The following SLIT3 variants were observed in gnomAD, a reference collection of about 807,000 sequenced individuals.
SLIT3 encodes the protein slit guidance ligand 3.
A neutral mutation model predicts 184.0 loss-of-function variants in SLIT3; 68 were observed. That is an observed-to-expected ratio of 0.37 (90% confidence interval 0.30 to 0.45). The LOEUF (loss-of-function observed/expected upper bound fraction) is 0.45. Among genes scored for constraint, SLIT3 ranks in the 20% least tolerant of loss-of-function variants. The pLI is 1.00. For missense variants in SLIT3, 1,707 were observed against 2,026.0 expected (o/e 0.84, Z 3.02); for synonymous variants, 831 against 828.6 (o/e 1.00, Z -0.05).
intron 20 of SLIT3, among the ~76,000 whole-genome samples, chr5:168,745,860 TG>T (rs1315989617): frequency 6.6e-6 from 1 of 152,144 alleles, no homozygotes; most frequent in East Asian, 1.9e-4. Flanking sequence ...AGCCACCCAA[TG>T]TTGGCCACCA....
At chr5:168,850,059 G>C (rs1183364819) in intron 5 of SLIT3, among the ~76,000 whole-genome samples, 1 of 151,292 alleles carries the variant, frequency 6.6e-6, no homozygotes, top group African/African-American at 2.4e-5. Flanking sequence ...TGCTAGCTGG[G>C]GTCTTTGAAA....
chr5:169,000,998 T>G (rs1208811023), intron 4 of SLIT3, among the ~76,000 whole-genome samples: 1 of 152,248 alleles, frequency 6.6e-6, no homozygotes, highest in Non-Finnish European at 1.5e-5. Flanking sequence ...GTTTATTACT[T>G]TGTCATCTTA....
chr5:169,199,838 G>C (rs1333812597), intron 3 of SLIT3, among the ~76,000 whole-genome samples: 1 of 152,162 alleles, frequency 6.6e-6, no homozygotes, highest in Non-Finnish European at 1.5e-5. Flanking sequence ...CTAAGGGTGG[G>C]AAATACAACT....
chr5:168,983,741 A>C (rs1476284323), intron 4 of SLIT3, among the ~76,000 whole-genome samples: 1 of 152,250 alleles, frequency 6.6e-6, no homozygotes, highest in Non-Finnish European at 1.5e-5. Flanking sequence ...TACTTATTTA[A>C]AACAGTATAA....
At chr5:169,243,786 T>G (rs1765484212) in intron 3 of SLIT3, among the ~76,000 whole-genome samples, 1 of 152,176 alleles carries the variant, frequency 6.6e-6, no homozygotes, top group South Asian at 2.1e-4. Context: ...AGCCGTGAGC[T>G]GTTGCAGCTT....
intron 4 of SLIT3, among the ~76,000 whole-genome samples, chr5:169,094,840 C>T (rs1759718871): frequency 6.6e-6 from 1 of 152,210 alleles, no homozygotes; most frequent in Non-Finnish European, 1.5e-5. Context: ...TTACTGTCCA[C>T]AGTTGCATTT....
Position 168,897,696 on chromosome 5 carries a change from AG to A in SLIT3, c.414-14361del, listed in dbSNP as rs1760729529. Among the ~76,000 whole-genome samples the A allele has an allele frequency of 2.5e-4, 11 of 43,362 alleles. No homozygotes were observed. The Admixed American group carries it at 2.7e-3, about 11-fold the overall frequency. 28.4% of individuals were successfully genotyped at this position (43,362 alleles called of 152,430 possible). ...CACACACAAAGGGACATACAGAAAG[AG>A]ACAGGCTGAGAGAACAAAAGGGAAA... On this transcript the variant is annotated intron_variant, in intron 4 of 35. Transcript: ENST00000519560.
intron 4 of SLIT3, among the ~76,000 whole-genome samples, chr5:169,009,341 G>T (rs1304317090): frequency 1.3e-5 from 2 of 152,198 alleles, no homozygotes; most frequent in Non-Finnish European, 2.9e-5. Flanking sequence ...GACAATCTCT[G>T]CAAGGCTCTC....
intron 27 of SLIT3, among the ~76,000 whole-genome samples, chr5:168,697,916 C>A (rs1306206742): frequency 1.3e-5 from 2 of 152,184 alleles, no homozygotes; most frequent in Non-Finnish European, 2.9e-5. Flanking sequence ...TTAGGGCTAC[C>A]TGGCAGTGAG....
At chr5:168,970,007 C>T (rs532379294) in intron 4 of SLIT3, among the ~76,000 whole-genome samples, 3 of 152,140 alleles carry the variant, frequency 2.0e-5, no homozygotes, top group Non-Finnish European at 1.5e-5. Flanking sequence ...CGGTGAAACC[C>T]CTTCTCTACT....
At chr5:168,843,906 C>A (rs1023338335) in intron 6 of SLIT3, among the ~76,000 whole-genome samples, 27 of 152,188 alleles carry the variant, frequency 1.8e-4, no homozygotes, top group African/African-American at 6.3e-4. Flanking sequence ...GCTACACATT[C>A]TTTCTAGACA....
At chr5:169,167,789 C>T (rs1435381708) in intron 4 of SLIT3, among the ~76,000 whole-genome samples, 1 of 152,116 alleles carries the variant, frequency 6.6e-6, no homozygotes. Context: ...CTGCCCCGCC[C>T]ACCTGCCACC....
intron 4 of SLIT3, among the ~76,000 whole-genome samples, chr5:169,085,410 T>C (rs1419465084): frequency 1.3e-5 from 2 of 152,112 alleles, no homozygotes; most frequent in African/African-American, 4.8e-5. Flanking sequence ...ATTCCAGCAG[T>C]CAATTAATCC....
intron 4 of SLIT3, among the ~76,000 whole-genome samples, chr5:168,899,975 C>T (rs759358095): frequency 3.9e-5 from 6 of 152,098 alleles, no homozygotes; most frequent in Non-Finnish European, 5.9e-5. Flanking sequence ...AAAAGAGAAG[C>T]GAGAATATTC....
intron 12 of SLIT3, among the ~76,000 whole-genome samples, chr5:168,779,053 C>T (rs1034364722): frequency 6.6e-6 from 1 of 152,214 alleles, no homozygotes; most frequent in African/African-American, 2.4e-5. Context: ...CAGCAGGGGC[C>T]ACATGGCCTA....
chr5:168,831,974 C>G (rs1346828059), intron 6 of SLIT3, among the ~76,000 whole-genome samples: 1 of 152,242 alleles, frequency 6.6e-6, no homozygotes, highest in East Asian at 1.9e-4. Flanking sequence ...TGTCACTACT[C>G]AATCAGATCC....
intron 4 of SLIT3, among the ~76,000 whole-genome samples, chr5:168,908,015 G>A (rs976676065): frequency 7.1e-6 from 1 of 140,650 alleles, no homozygotes; most frequent in Non-Finnish European, 1.5e-5. Context: ...GAGGTGGGGG[G>A]TTTCATTTCA....
At chr5:169,272,281 A>G (rs764270789) in intron 1 of SLIT3, among the ~76,000 whole-genome samples, 2 of 152,084 alleles carry the variant, frequency 1.3e-5, no homozygotes, top group African/African-American at 4.8e-5. Context: ...GCCTAGTTCT[A>G]CTCTGGAGAT....
At chr5:168,899,849 C>A (rs1182171975) in intron 4 of SLIT3, among the ~76,000 whole-genome samples, 2 of 152,122 alleles carry the variant, frequency 1.3e-5, no homozygotes, top group African/African-American at 4.8e-5. Flanking sequence ...GACTTCTGTG[C>A]TCTGTGATGT....
Sources: allele counts gnomAD v4.1 joint callset (sites outside exome capture counted in the v4.1 genomes callset), GRCh38; gene constraint gnomAD v4.1.1; transcripts MANE v1.5; gene names NCBI Gene and HGNC (gene_info 2026-07-23, HGNC 2026-07-21).